Variants in DLGAP1 observed in about 807,000 individuals in gnomAD.
DLGAP1 encodes the protein disks large-associated protein 1.
Under a neutral mutation model 90.8 loss-of-function variants are expected in DLGAP1, and 11 were observed. The observed-to-expected ratio is 0.12, with a 90% CI of 0.08 to 0.20. The LOEUF is 0.20. Ranked by LOEUF, DLGAP1 falls within the 10% of genes least tolerant of loss-of-function variation. The pLI is 1.00. For synonymous variants in DLGAP1, 558 were observed against 540.7 expected (o/e 1.03, Z -0.44); for missense variants, 1,050 against 1,333.8 (o/e 0.79, Z 3.31).
intron 5 of DLGAP1, among the ~76,000 whole-genome samples, chr18:3,805,000 T>C (rs533417897): frequency 2.6e-5 from 4 of 152,336 alleles, no homozygotes; most frequent in African/African-American, 9.6e-5. Flanking sequence ...ATGGAGACTT[T>C]CTTCTCATCT....
At chr18:3,649,303 T>A (rs947451001) in intron 7 of DLGAP1, among the ~76,000 whole-genome samples, 6 of 152,228 alleles carry the variant, frequency 3.9e-5, no homozygotes, top group African/African-American at 1.4e-4. Context: ...AAACTGGGGC[T>A]GTGACTTGCC....
chr18:4,060,381 C>G (rs941041517), intron 2 of DLGAP1, among the ~76,000 whole-genome samples: 2 of 152,118 alleles, frequency 1.3e-5, no homozygotes, highest in African/African-American at 2.4e-5. Context: ...ATATACTTCC[C>G]AAGATGGGTA....
At chr18:3,652,044 G>C (rs2059327552) in intron 7 of DLGAP1, among the ~76,000 whole-genome samples, 1 of 150,914 alleles carries the variant, frequency 6.6e-6, no homozygotes, top group Non-Finnish European at 1.5e-5. Context: ...CGCGCCTGTA[G>C]TTCCAGCTAC....
At chr18:4,042,490 C>A (rs1568365942) in intron 2 of DLGAP1, among the ~76,000 whole-genome samples, 1 of 152,186 alleles carries the variant, frequency 6.6e-6, no homozygotes, top group Non-Finnish European at 1.5e-5. Flanking sequence ...GTAATCCCAG[C>A]ACTTTGGGAG....
At chr18:4,354,887 CAAAAAAAAAAAAAAAAAAAAAAA>C (rs60379984) in intron 1 of DLGAP1, among the ~76,000 whole-genome samples, 2 of 23,848 alleles carry the variant, frequency 8.4e-5, no homozygotes, top group Non-Finnish European at 1.7e-4. Context: ...TTACTCTCAC[CAAAAAAAAAAAAAAAAAAAAAAA>C]AAAAAAAAAA....
At chr18:3,590,298 T>C (rs1387710188) in intron 7 of DLGAP1, among the ~76,000 whole-genome samples, 2 of 152,180 alleles carry the variant, frequency 1.3e-5, no homozygotes, top group African/African-American at 4.8e-5. Context: ...CTAAGCTCGA[T>C]TGTGCACATT....
At chr18:4,213,743 T>C (rs1289173254) in intron 1 of DLGAP1, among the ~76,000 whole-genome samples, 1 of 152,192 alleles carries the variant, frequency 6.6e-6, no homozygotes, top group Non-Finnish European at 1.5e-5. Context: ...AGGAAAGTTT[T>C]CTGAGAGTAA....
chr18:4,396,631 T>C (rs980304648), intron 1 of DLGAP1, among the ~76,000 whole-genome samples: 2 of 152,118 alleles, frequency 1.3e-5, no homozygotes, highest in Non-Finnish European at 2.9e-5. Context: ...AAGAGCAATT[T>C]GGTTGGTTCA....
intron 1 of DLGAP1, among the ~76,000 whole-genome samples, chr18:4,406,305 G>T (rs1567896682): frequency 6.6e-6 from 1 of 152,128 alleles, no homozygotes; most frequent in Non-Finnish European, 1.5e-5. Flanking sequence ...AGTAACCCCT[G>T]GTCCTATTGT....
intron 2 of DLGAP1, among the ~76,000 whole-genome samples, chr18:4,118,604 TGTCA>T (rs1350295713): frequency 5.3e-5 from 8 of 151,962 alleles, no homozygotes; most frequent in Non-Finnish European, 2.9e-5. Context: ...TGAGAAACTC[TGTCA>T]GCCCATTCCT....
chr18:4,316,337 G>A (rs1037794096), intron 1 of DLGAP1, among the ~76,000 whole-genome samples: 5 of 152,130 alleles, frequency 3.3e-5, no homozygotes, highest in Admixed American at 2.6e-4. Context: ...ATGCACAGCC[G>A]TACACTATAG....
intron 10 of DLGAP1, among the ~76,000 whole-genome samples, chr18:3,528,056 T>TC (rs2051762934): frequency 6.6e-6 from 1 of 152,134 alleles, no homozygotes; most frequent in African/African-American, 2.4e-5. Context: ...ATTAGAATCT[T>TC]CCGTTTTTTC....
At chr18:3,979,452 C>T (rs1406544450) in intron 3 of DLGAP1, among the ~76,000 whole-genome samples, 1 of 208 alleles carries the variant, frequency 4.8e-3, no homozygotes, top group Non-Finnish European at 0.011. Context: ...AGAATGTACT[C>T]CCATGATTGA....
intron 2 of DLGAP1, among the ~76,000 whole-genome samples, chr18:4,064,248 C>CTA (rs1285317918): frequency 1.3e-5 from 2 of 151,690 alleles, no homozygotes; most frequent in South Asian, 2.1e-4. Context: ...TATCACAAAA[C>CTA]TATATATATA....
chr18:3,596,191 A>G (rs1040018955), intron 7 of DLGAP1, among the ~76,000 whole-genome samples: 4 of 151,342 alleles, frequency 2.6e-5, no homozygotes, highest in African/African-American at 9.7e-5. Flanking sequence ...ACCGTGTCTT[A>G]CTCTGTCACC....
intron 7 of DLGAP1, among the ~76,000 whole-genome samples, chr18:3,664,974 G>A (rs1347239514): frequency 6.6e-6 from 1 of 152,144 alleles, no homozygotes; most frequent in East Asian, 1.9e-4. Flanking sequence ...TTAATATGAG[G>A]CCACTGGTCC....
chr18:3,684,840 C>T (rs1267910199), intron 7 of DLGAP1, among the ~76,000 whole-genome samples: 1 of 152,114 alleles, frequency 6.6e-6, no homozygotes, highest in African/African-American at 2.4e-5. Context: ...AACATTGCAA[C>T]CAAAATCGTG....
chr18:4,264,644 T>C (rs1222913842), intron 1 of DLGAP1: 1 of 152,262 alleles, frequency 6.6e-6, no homozygotes, highest in East Asian at 1.9e-4. Context: ...CTTGCTCTTT[T>C]TTCCTCCCAT....
rs564181165 is a variant in DLGAP1, at chr18:4,384,175, T to G, written c.-267+70831A>C. Among the ~76,000 whole-genome samples, 5 of 152,248 alleles carry G rather than the reference T, an allele frequency of 3.3e-5. No homozygotes were observed. In the South Asian group the frequency reaches 8.3e-4, roughly 25 times the overall value. ...AAGTAAATGTTTAACCTACCTAATATCGGCTTTATCCAAGTTTCTTAGGGT... is the reference window on the plus strand; with the variant it reads ...AAGTAAATGTTTAACCTACCTAATAGCGGCTTTATCCAAGTTTCTTAGGGT... On this transcript the variant is annotated intron_variant, in intron 1 of 12. Transcript: ENST00000315677.
Sources: allele counts gnomAD v4.1 joint callset (sites outside exome capture counted in the v4.1 genomes callset), GRCh38; gene constraint gnomAD v4.1.1; transcripts MANE v1.5; gene names NCBI Gene and HGNC (gene_info 2026-07-23, HGNC 2026-07-21).